Variants in LRRC69 observed in about 807,000 individuals in gnomAD.
LRRC69 encodes the protein leucine rich repeat containing 69.
A neutral mutation model predicts 37.8 loss-of-function variants in LRRC69; 42 were observed. The observed-to-expected ratio is 1.11, with a 90% CI of 0.87 to 1.44. The LOEUF is 1.44. Among genes scored for constraint, LRRC69 ranks in the 40% most tolerant of loss-of-function variants. The pLI is 0.00. For synonymous variants in LRRC69, 141 were observed against 143.1 expected, an observed-to-expected ratio of 0.99 and a Z score of 0.11; for missense variants, 357 against 401.9, an observed-to-expected ratio of 0.89 and a Z score of 0.96.
intron 5 of LRRC69, among the ~76,000 whole-genome samples, chr8:91,154,097 A>G (rs1042652998): frequency 6.6e-6 from 1 of 151,918 alleles, no homozygotes; most frequent in African/African-American, 2.4e-5. Flanking sequence ...CTCTTTGCAA[A>G]TAAACTAGAA....
intron 1 of LRRC69, among the ~76,000 whole-genome samples, chr8:91,104,726 C>G (rs1455272156): frequency 6.6e-6 from 1 of 151,970 alleles, no homozygotes; most frequent in Non-Finnish European, 1.5e-5. Context: ...TTTCCTGTAT[C>G]CTGTATTTTC....
intron 5 of LRRC69, among the ~76,000 whole-genome samples, chr8:91,169,383 CA>C (rs1166676428): frequency 2.0e-5 from 3 of 151,886 alleles, no homozygotes; most frequent in East Asian, 3.9e-4. Flanking sequence ...CAAACCTGCA[CA>C]TGTACCCTTG....
chr8:91,212,624 A>G (rs1809952122), intron 7 of LRRC69, among the ~76,000 whole-genome samples: 1 of 152,200 alleles, frequency 6.6e-6, no homozygotes, highest in African/African-American at 2.4e-5. Flanking sequence ...CTTACTTTGT[A>G]GTAAAAAGTT....
intron 1 of LRRC69, among the ~76,000 whole-genome samples, chr8:91,115,534 T>C (rs558898981): frequency 6.6e-6 from 1 of 152,116 alleles, no homozygotes; most frequent in East Asian, 1.9e-4. Flanking sequence ...TACCAGTTTC[T>C]GAGCTAAGAG....
chr8:91,122,760 G>T (rs117575118), intron 1 of LRRC69, among the ~76,000 whole-genome samples: 3 of 152,002 alleles, frequency 2.0e-5, no homozygotes, highest in Admixed American at 6.6e-5. Context: ...TTAGGCAAAA[G>T]AATGAAATCT....
intron 2 of LRRC69, among the ~76,000 whole-genome samples, chr8:91,126,572 G>C (rs1315739470): frequency 6.6e-6 from 1 of 151,976 alleles, no homozygotes; most frequent in Non-Finnish European, 1.5e-5. Context: ...GACATGGCAT[G>C]GGATTATCAT....
intron 6 of LRRC69, among the ~76,000 whole-genome samples, chr8:91,196,384 G>A (rs1040853440): frequency 9.2e-5 from 14 of 151,668 alleles, no homozygotes; most frequent in African/African-American, 2.2e-4. Flanking sequence ...GAATCTGAAC[G>A]TTGGCCTGCC....
chr8:91,158,010 A>G, intron 5 of LRRC69: 1 of 1,323,392 alleles, frequency 7.6e-7, no homozygotes, highest in Non-Finnish European at 1.1e-6. Flanking sequence ...CTACAACTTC[A>G]TGCAGATGTT....
exon 8 of LRRC69, chr8:91,218,968 G>A (rs1463257946): frequency 1.3e-6 from 2 of 1,550,676 alleles, no homozygotes; most frequent in Non-Finnish European, 1.7e-6. Context: ...TACTCAACGT[G>A]ACCCTAACCT....
At chr8:91,187,352 T>A (rs1382209982) in intron 5 of LRRC69, among the ~76,000 whole-genome samples, 1 of 152,232 alleles carries the variant, frequency 6.6e-6, no homozygotes, top group Non-Finnish European at 1.5e-5. Flanking sequence ...TTTCTCCTAG[T>A]CCATCAGAGT....
intron 5 of LRRC69, among the ~76,000 whole-genome samples, chr8:91,136,318 A>G (rs1808419202): frequency 6.6e-6 from 1 of 151,964 alleles, no homozygotes; most frequent in African/African-American, 2.4e-5. Flanking sequence ...CCATCTATCC[A>G]GAAGGTATTC....
chr8:91,173,832 TA>T (rs1187182380), intron 5 of LRRC69, among the ~76,000 whole-genome samples: 1 of 151,846 alleles, frequency 6.6e-6, no homozygotes, highest in African/African-American at 2.4e-5. Context: ...CCTCACAAAC[TA>T]ATGATCTCCC....
At chr8:91,128,578 A>G (rs566991103) in intron 3 of LRRC69, among the ~76,000 whole-genome samples, 39 of 152,146 alleles carry the variant, frequency 2.6e-4, no homozygotes, top group African/African-American at 9.1e-4. Context: ...CTATATCTTA[A>G]CATCTTCACC....
chr8:91,178,722 T>G (rs2130595168), intron 5 of LRRC69, among the ~76,000 whole-genome samples: 1 of 152,188 alleles, frequency 6.6e-6, no homozygotes, highest in African/African-American at 2.4e-5. Context: ...ACATGAGAGG[T>G]TTGGCAGCTC....
chr8:91,119,980 A>G (rs1406631235), intron 1 of LRRC69, among the ~76,000 whole-genome samples: 1 of 151,928 alleles, frequency 6.6e-6, no homozygotes, highest in Admixed American at 6.6e-5. Flanking sequence ...TCTAATCCCT[A>G]CAGGGTTATT....
chr8:91,149,595 A>G (rs1808691539), intron 5 of LRRC69, among the ~76,000 whole-genome samples: 1 of 152,050 alleles, frequency 6.6e-6, no homozygotes, highest in South Asian at 2.1e-4. Context: ...TATGAACTTT[A>G]AAGTAGTTTT....
chr8:91,129,992 T>G (rs908276549), intron 3 of LRRC69, among the ~76,000 whole-genome samples: 2 of 152,072 alleles, frequency 1.3e-5, no homozygotes, highest in African/African-American at 4.8e-5. Context: ...CATTTTGTAC[T>G]ATTCAATGCA....
intron 5 of LRRC69, among the ~76,000 whole-genome samples, chr8:91,188,593 C>G (rs889642679): frequency 6.6e-5 from 10 of 152,148 alleles, no homozygotes; most frequent in African/African-American, 2.2e-4. Context: ...CATTTTACAG[C>G]TGAAATTTAG....
At chr8:91,121,937 C>T (rs1314082100) in intron 1 of LRRC69, among the ~76,000 whole-genome samples, 1 of 152,056 alleles carries the variant, frequency 6.6e-6, no homozygotes, top group Admixed American at 6.6e-5. Flanking sequence ...GAAACCCACC[C>T]TGCTTTACAG....
Sources: allele counts gnomAD v4.1 joint callset (sites outside exome capture counted in the v4.1 genomes callset), GRCh38; gene constraint gnomAD v4.1.1; transcripts MANE v1.5; gene names NCBI Gene and HGNC (gene_info 2026-07-23, HGNC 2026-07-21).